PLD2: variants seen among roughly 807,000 people sequenced by gnomAD.
PLD2 encodes phospholipase D2.
In PLD2, 101 loss-of-function variants were observed where a neutral mutation model predicts 119.8. The observed-to-expected ratio is 0.84, with a 90% CI of 0.72 to 0.99. The LOEUF (loss-of-function observed/expected upper bound fraction) is 0.99. PLD2 is among the 50% of genes least tolerant of loss of function. The pLI is 0.00. For missense variants in PLD2, 1,164 were observed against 1,226.8 expected, an observed-to-expected ratio of 0.95 and a Z score of 0.76; for synonymous variants, 494 against 482.8, an observed-to-expected ratio of 1.02 and a Z score of -0.30.
rs144921882 is a variant in PLD2 at position 4,819,216 on chromosome 17, T to C, written c.2306T>C (p.Ile769Thr). 40 of 1,613,916 alleles carry C rather than the reference T, an allele frequency of 2.5e-5. No individual in the cohort carries two copies. Among genetic ancestry groups the C allele is most frequent in the African/African-American group, 2.0e-4 (15 of 74,926 alleles). Residue 769 changes from isoleucine to threonine, a missense_variant and splice_region_variant, in exon 22 of 25, where the codon ATT (isoleucine) becomes ACT (threonine). Transcript: ENST00000263088. The surrounding 1 kb of genome is among the most constrained non-coding windows in gnomAD (Gnocchi z 4.2). Reference protein sequence around the residue: ...VLIADDRTVIIGSANINDRSL... With the variant: ...VLIADDRTVITGSANINDRSL... ...ATCGCAGATGACCGGACAGTCATCATTGGTCAGTGCCGGATCTAGTCCTCT... is the reference window on the plus strand; with the variant it reads ...ATCGCAGATGACCGGACAGTCATCACTGGTCAGTGCCGGATCTAGTCCTCT...
chr17:4,816,673 A>C lies in PLD2; in HGVS notation c.1509A>C (p.Gln503His), dbSNP rs767232237. ...CCACCCCAGACCTCTCTCACAACCA[A>C]TTCTTCTGGCTGGGCAAGGACTACA... ...SPATPDLSHN[Q>H]FFWLGKDYSN... Residue 503 changes from glutamine (Q) to histidine (H), a missense_variant, in exon 15 of 25, where the codon CAA becomes CAC. Coordinates refer to ENST00000263088, the MANE Select transcript of PLD2 (RefSeq NM_002663.5). 3.7e-6 allele frequency: 6 copies of C among 1,613,862 alleles called. No individual in the cohort carries two copies. In the African/African-American group the frequency reaches 8.0e-5, roughly 22 times the overall value.
At chr17:4,811,508 C>G (rs966052809) in intron 10 of PLD2, among the ~76,000 whole-genome samples, 3 of 150,870 alleles carry the variant, frequency 2.0e-5, no homozygotes, top group African/African-American at 7.3e-5. Context: ...GAACTCCTGA[C>G]CTCGGGTGAT....
At chr17:4,820,457 A>T (rs1333630852) in intron 23 of PLD2, among the ~76,000 whole-genome samples, 1 of 132,032 alleles carries the variant, frequency 7.6e-6, no homozygotes, top group Admixed American at 8.1e-5. Flanking sequence ...TAGTAGAGAC[A>T]GGGTTTCGCT....
In PLD2 at chr17:4,821,625, G is replaced by A. The variant is rs1907675960; in HGVS notation, c.2463-168G>A. On this transcript the variant is annotated intron_variant, in intron 23 of 24. Transcript: ENST00000263088. ...GCCCAGGCTGGTCTTGAATTCCTGA[G>A]CTCAAGCAATCCACCTGCCTCATCC... 9 of 515,402 alleles carry A rather than the reference G, an allele frequency of 1.7e-5. No individual in the cohort carries two copies. The South Asian group carries it at 1.8e-4, about 11-fold the overall frequency. The allele number at this position is 515,402 out of a possible 1,614,324, so 31.9% of individuals were successfully genotyped here.
In PLD2 at chr17:4,818,660, C is replaced by T. The variant is rs1907300232; in HGVS notation, c.2123+53C>T. ...CAGTGGCCCCATCCCACCCGTGTCC[C>T]CCTCCTGATTCTGTCCTGATCCCTT... On this transcript the variant is annotated intron_variant, in intron 20 of 24. Coordinates refer to ENST00000263088, the MANE Select transcript of PLD2 (RefSeq NM_002663.5). The T allele has an allele frequency of 9.0e-6, 14 of 1,552,758 alleles. No individual in the cohort carries two copies. In the South Asian group the frequency reaches 1.3e-4, roughly 15 times the overall value.
At chr17:4,815,241 AGATG>A (rs1346781985) in intron 12 of PLD2, among the ~76,000 whole-genome samples, 1 of 152,056 alleles carries the variant, frequency 6.6e-6, no homozygotes, top group Non-Finnish European at 1.5e-5. Flanking sequence ...ATGCTTGGGA[AGATG>A]GATGGATGGA....
chr17:4,814,344 G>C, intron 10 of PLD2, 74 bp from the exon 11 acceptor site: 1 of 1,546,804 alleles, frequency 6.5e-7, no homozygotes, highest in South Asian at 1.2e-5. Flanking sequence ...ACCCACGACT[G>C]TCCTCCGGTC....
In PLD2 at chr17:4,821,908, G is replaced by A. The variant is rs1441219206; in HGVS notation, c.2577+1G>A. 5 of 1,605,314 alleles carry A rather than the reference G, an allele frequency of 3.1e-6. No homozygotes were observed. The highest frequency in any genetic ancestry group is 4.3e-6 in the Non-Finnish European group (5 of 1,172,192). ...GAGCAACGCCAATATCTATGAGCAG[G>A]TGGGAACTTGGGAGGGGTGGGGGAG... On this transcript the variant is annotated splice_donor_variant, in intron 24 of 24. Transcript: ENST00000263088. LOFTEE classifies it high-confidence loss of function.
chr17:4,817,438 G>A (rs758474318), intron 17 of PLD2, 179 bp downstream of exon 17: 66 of 605,414 alleles, frequency 1.1e-4, no homozygotes, highest in Middle Eastern at 4.4e-4. Context: ...CAAGGCAGGC[G>A]GATCACAAGG....
At chr17:4,809,462 G>T (rs2286671) in intron 6 of PLD2, 31 bp from the exon 7 acceptor site, 2 of 1,609,146 alleles carry the variant, frequency 1.2e-6, no homozygotes, top group Non-Finnish European at 1.7e-6. Flanking sequence ...AAAGCCAGGT[G>T]TCTCCTCCGG....
Position 4,814,616 on chromosome 17 carries a change from A to G in PLD2, c.1095-17A>G, listed in dbSNP as rs1466546102. On this transcript the variant is annotated splice_polypyrimidine_tract_variant and intron_variant, in intron 11 of 24. Coordinates refer to ENST00000263088, the MANE Select transcript of PLD2 (RefSeq NM_002663.5). ...CTGGGGCTTCGTTTGCCCCTAATCC[A>G]CTGCCCTGAATCCCAGGTTGAGTCC... is the stretch of plus-strand genomic sequence containing the variant. The G allele has an allele frequency of 1.7e-5, 27 of 1,613,938 alleles. No homozygotes were observed. Among genetic ancestry groups the G allele is most frequent in the Non-Finnish European group, 2.3e-5 (27 of 1,179,978 alleles).
chr17:4,815,591 C>A lies in PLD2; in HGVS notation c.1284+5C>A, dbSNP rs1468762902. On this transcript the variant is annotated splice_donor_5th_base_variant and intron_variant, in intron 13 of 24. Coordinates refer to ENST00000263088, the MANE Select transcript of PLD2 (RefSeq NM_002663.5). Reference sequence around the variant, plus strand: ...CTGCTGCACCCCAACATAAAGGTGACTCTCGGCCTCAGAGACCCTCCCACA... The same window carrying A: ...CTGCTGCACCCCAACATAAAGGTGAATCTCGGCCTCAGAGACCCTCCCACA... 2 of 1,608,650 alleles carry A rather than the reference C, an allele frequency of 1.2e-6. No individual in the cohort carries two copies. Among genetic ancestry groups the A allele is most frequent in the South Asian group, 2.2e-5 (2 of 90,980 alleles).
chr17:4,815,703 C>G lies in PLD2; in HGVS notation c.1285-61C>G, dbSNP rs1906898566. 2.5e-6 allele frequency: 4 copies of G among 1,603,656 alleles called. No homozygotes were observed. The South Asian group carries it at 4.4e-5, about 18-fold the overall frequency. ...CTTTCCATCTTTCCTCTCTCCCTCC[C>G]AGTACCTCCTGTTTTCCTTCACCTA... is the stretch of plus-strand genomic sequence containing the variant. On this transcript the variant is annotated intron_variant, in intron 13 of 24. Coordinates refer to ENST00000263088, the MANE Select transcript of PLD2 (RefSeq NM_002663.5).
At position 4,814,493 on chromosome 17, in the gene PLD2, A is replaced by G; in HGVS notation, c.1086A>G (p.Thr362=). ...GAGCTCAAGAGGAGATTTTCATCAC[A>G]GACTGGTGGTGAGTGGGAAAAGGCC... ...ILRAQEEIFI[T]DWWLSPEVYL... Residue 362 remains threonine (T), a synonymous_variant, in exon 11 of 25, where the codon ACA becomes ACG. Coordinates refer to ENST00000263088, the MANE Select transcript of PLD2 (RefSeq NM_002663.5). The G allele has an allele frequency of 6.2e-7, 1 of 1,613,304 alleles. No individual in the cohort carries two copies. The highest frequency in any genetic ancestry group is 1.3e-5 in the African/African-American group (1 of 75,004).
chr17:4,818,591 C>T lies in PLD2; in HGVS notation c.2107C>T (p.Leu703=). 1 of 1,613,148 alleles carries T rather than the reference C, an allele frequency of 6.2e-7. No individual in the cohort carries two copies. Among genetic ancestry groups the T allele is most frequent in the Non-Finnish European group, 8.5e-7 (1 of 1,179,170 alleles). Reference sequence around the variant, plus strand: ...CGGTGGCAACTCCATCCAGGCCATTCTGCACTTTACTTACAGGTGACCCCC... The same window carrying T: ...CGGTGGCAACTCCATCCAGGCCATTTTGCACTTTACTTACAGGTGACCCCC... The part of the protein sequence containing the change: ...TGGGNSIQAI[L]HFTYRTLCRG... Residue 703 remains leucine, a synonymous_variant, in exon 20 of 25, where the codon CTG becomes TTG. Transcript: ENST00000263088.
Position 4,807,637 on chromosome 17 carries a change from G to A in PLD2, c.-1-135G>A. ...TCGGTGGGGCGTTGCAAACTGGTCA[G>A]GCGTCATCCGCGGGCGGTCAGGAGG... On this transcript the variant is annotated intron_variant, in intron 1 of 24. Coordinates refer to ENST00000263088, the MANE Select transcript of PLD2 (RefSeq NM_002663.5). The surrounding 1 kb of genome is among the most constrained non-coding windows in gnomAD (Gnocchi z 5.4). The A allele has an allele frequency of 3.3e-6, 2 of 610,212 alleles. No homozygotes were observed. The highest frequency in any genetic ancestry group is 5.5e-5 in the Admixed American group (2 of 36,588). 37.8% of individuals were successfully genotyped at this position (610,212 alleles called of 1,614,324 possible).
Position 4,810,969 on chromosome 17 carries a change from C to G in PLD2, c.1010+18C>G, listed in dbSNP as rs761080195. 2 of 1,596,820 alleles carry G rather than the reference C, an allele frequency of 1.3e-6. No individual in the cohort carries two copies. The highest frequency in any genetic ancestry group is 1.7e-6 in the Non-Finnish European group (2 of 1,173,782). ...GCCCGGTGGTGAGACACTGACATCC[C>G]TTCTGAGCTTGTCTGTGGCTTTCTT... On this transcript the variant is annotated intron_variant, in intron 10 of 24. Transcript: ENST00000263088.
chr17:4,819,324 G>A lies in PLD2; in HGVS notation c.2309-105G>A, dbSNP rs1214668561. ...CAGCTGAGGCTCGTGTAGGGGTGGA[G>A]GGTCCAAGAAGGAATGTTGCAGGCC... is the stretch of plus-strand genomic sequence containing the variant. On this transcript the variant is annotated intron_variant, in intron 22 of 24. Transcript: ENST00000263088. The surrounding 1 kb of genome is among the most constrained non-coding windows in gnomAD (Gnocchi z 4.2). 5 of 1,328,922 alleles carry A rather than the reference G, an allele frequency of 3.8e-6. No homozygotes were observed. Among genetic ancestry groups the A allele is most frequent in the Non-Finnish European group, 4.0e-6 (4 of 1,003,402 alleles). 82.3% of individuals were successfully genotyped at this position (1,328,922 alleles called of 1,614,324 possible).
chr17:4,814,446 G>A lies in PLD2; in HGVS notation c.1039G>A (p.Ala347Thr), dbSNP rs751764553. Residue 347 changes from alanine (A) to threonine (T), a missense_variant, in exon 11 of 25, where the codon GCT (alanine) becomes ACT (threonine). By Grantham distance (58) the Ala-to-Thr change is moderately conservative (BLOSUM62 0). Transcript: ENST00000263088. ...TGTGAATGGGGCAGGTTACTTTGCTGCTGTGGCAGATGCCATCCTTCGAGC... is the reference window on the plus strand; with the variant it reads ...TGTGAATGGGGCAGGTTACTTTGCTACTGTGGCAGATGCCATCCTTCGAGC... ...WFVNGAGYFAAVADAILRAQE... is the reference protein window; with the variant it reads ...WFVNGAGYFATVADAILRAQE... 1.9e-6 allele frequency: 3 copies of A among 1,612,748 alleles called. No homozygotes were observed. Among genetic ancestry groups the A allele is most frequent in the Admixed American group, 1.7e-5 (1 of 59,788 alleles).
Sources: allele counts gnomAD v4.1 joint callset (sites outside exome capture counted in the v4.1 genomes callset), GRCh38; gene constraint gnomAD v4.1.1; non-coding constraint Gnocchi (gnomAD v3.1); transcripts MANE v1.5; gene names NCBI Gene and HGNC (gene_info 2026-07-23, HGNC 2026-07-21).